The following SMARCA2 variants were observed in gnomAD, a reference collection of about 807,000 sequenced individuals.
SMARCA2 encodes the protein SWI/SNF related BAF chromatin remodeling complex subunit ATPase 2, also known as SWI/SNF-related matrix-associated actin-dependent regulator of chromatin subfamily A member 2.
Under a neutral mutation model 199.8 loss-of-function variants are expected in SMARCA2, and 61 were observed. The observed-to-expected ratio is 0.31, with a 90% CI of 0.25 to 0.38. The LOEUF (loss-of-function observed/expected upper bound fraction) is 0.38, where lower values mean the gene tolerates loss of function less well. SMARCA2 is among the 10% of genes least tolerant of loss of function. The probability of loss-of-function intolerance (pLI) is 1.00; values close to 1 mark genes in which losing one functional copy is unlikely to be tolerated. For synonymous variants in SMARCA2, 935 were observed against 732.0 expected (o/e 1.28, Z -4.48); for missense variants, 1,344 against 2,012.2 (o/e 0.67, Z 6.35).
At chr9:2,153,286 C>T (rs1397280052) in intron 27 of SMARCA2, among the ~76,000 whole-genome samples, 7 of 152,162 alleles carry the variant, frequency 4.6e-5, no homozygotes, top group Admixed American at 3.9e-4. Context: ...CCTGTAATCC[C>T]AACACTTTGG....
At chr9:2,138,804 G>A (rs950052656) in intron 27 of SMARCA2, among the ~76,000 whole-genome samples, 6 of 152,144 alleles carry the variant, frequency 3.9e-5, no homozygotes, top group African/African-American at 1.4e-4. Context: ...CTCCAGCTTT[G>A]CCTTTGGCGG....
At chr9:2,180,995 A>G (rs1335254437) in intron 29 of SMARCA2, among the ~76,000 whole-genome samples, 1 of 152,160 alleles carries the variant, frequency 6.6e-6, no homozygotes, top group African/African-American at 2.4e-5. Flanking sequence ...TAATAAAGGT[A>G]TGTGTGGTTT....
chr9:2,181,267 TATTTTAA>T (rs1392236599), intron 29 of SMARCA2: 5 of 217,974 alleles, frequency 2.3e-5, no homozygotes, highest in Admixed American at 1.2e-4. Context: ...CTAACAAGGA[TATTTTAA>T]ATATTTCTAT....
rs1818431616 is a variant in SMARCA2 at position 2,017,895 on chromosome 9, CAA to C, written c.-37+2493_-37+2494del. 1 of 152,446 alleles carries C rather than the reference CAA, an allele frequency of 6.6e-6. No individual in the cohort carries two copies. Among genetic ancestry groups the C allele is most frequent in the African/African-American group, 2.4e-5 (1 of 41,590 alleles). The allele number at this position is 152,446 out of a possible 1,614,324, so 9.4% of individuals were successfully genotyped here. A position where few individuals can be genotyped will look rare whatever the true frequency, so the allele number is the denominator to read the frequency against. ...CCGGTCTCCCGGCTCGCCTTTCCTG[CAA>C]AGTCAGGCAGGCGGGGGAAATGGGC... On this transcript the variant is annotated intron_variant, in intron 1 of 33. Coordinates refer to ENST00000349721, the MANE Select transcript of SMARCA2 (RefSeq NM_003070.5). This position sits in a 1 kb window ranked among gnomAD's most constrained non-coding sequence, Gnocchi z 8.8.
At chr9:2,109,284 T>A (rs1023927052) in intron 23 of SMARCA2, among the ~76,000 whole-genome samples, 8 of 152,180 alleles carry the variant, frequency 5.3e-5, no homozygotes, top group African/African-American at 1.9e-4. Flanking sequence ...CTTTCAAAAT[T>A]CAGCATCTAA....
chr9:2,177,234 G>C (rs959896957), intron 29 of SMARCA2, among the ~76,000 whole-genome samples: 2 of 152,132 alleles, frequency 1.3e-5, no homozygotes, highest in African/African-American at 4.8e-5. Flanking sequence ...CTTCCCAAAC[G>C]ACTTTGCTAT....
At chr9:2,070,673 C>CA (rs888269593) in intron 10 of SMARCA2, among the ~76,000 whole-genome samples, 8 of 152,176 alleles carry the variant, frequency 5.3e-5, no homozygotes, top group Non-Finnish European at 1.2e-4. Context: ...GTCAGACTGT[C>CA]AATCAACTGA....
In SMARCA2 at chr9:2,086,068, T is replaced by C. The variant is rs113631311; in HGVS notation, c.2527-761T>C. The C allele has an allele frequency of 6.7e-4, 102 of 152,280 alleles. 1 individual carries two copies. Among genetic ancestry groups the C allele is most frequent in the African/African-American group, 2.3e-3 (97 of 41,458 alleles). 9.4% of individuals were successfully genotyped at this position (152,280 alleles called of 1,614,324 possible). On this transcript the variant is annotated intron_variant, in intron 17 of 33. Transcript: ENST00000349721. The surrounding 1 kb of genome is among the most constrained non-coding windows in gnomAD (Gnocchi z 4.3). The stretch of plus-strand genomic sequence containing the variant: ...TGTATTTAATTCTGCAGTTTTGGCA[T>C]AAATACAGGAGTGATATTTTTGCAG...
At chr9:2,163,327 G>T (rs1317826098) in intron 28 of SMARCA2, among the ~76,000 whole-genome samples, 2 of 152,168 alleles carry the variant, frequency 1.3e-5, no homozygotes, top group Non-Finnish European at 2.9e-5. Flanking sequence ...GAAGTGGCCA[G>T]AATGGCAACC....
chr9:2,023,441 G>A (rs1818690244), intron 1 of SMARCA2, among the ~76,000 whole-genome samples: 1 of 152,180 alleles, frequency 6.6e-6, no homozygotes. Context: ...ACTTTGAAAC[G>A]AATGGGAAAG....
chr9:2,029,183 C>T lies in SMARCA2; in HGVS notation c.161C>T (p.Ser54Phe). The change falls in exon 2 of 34, where the codon TCC becomes TTC. Residue 54 changes from serine to phenylalanine, a missense_variant. Around this residue, in one of 18 missense-constraint regions of SMARCA2, gnomAD observed 275 missense variants for 247.5 expected, o/e 1.11. Transcript: ENST00000349721. ...MGPSPGPPSVSHPMPTMGSTD... is the reference protein window; with the variant it reads ...MGPSPGPPSVFHPMPTMGSTD... ...CCAAGTCCTGGACCTCCAAGTGTCT[C>T]CCATCCTATGCCGACGATGGGGTCC... The T allele has an allele frequency of 6.2e-7, 1 of 1,613,592 alleles. No individual in the cohort carries two copies. The highest frequency in any genetic ancestry group is 8.5e-7 in the Non-Finnish European group (1 of 1,179,782).
At chr9:2,181,769 G>A in intron 30 of SMARCA2, 93 bp downstream of exon 30, 2 of 733,132 alleles carry the variant, frequency 2.7e-6, no homozygotes, top group East Asian at 2.6e-5. Flanking sequence ...GACCGCCACT[G>A]ATGGGTACCC....
chr9:2,170,467 A>G lies in SMARCA2; in HGVS notation c.4248A>G (p.Gly1416=), dbSNP rs1437734159. The stretch of plus-strand genomic sequence containing the variant: ...GTAATTCTCAGTTGGAAATAGAAGG[A>G]AACAGGTCAGGATCTGTCTTGTATT... The part of the protein sequence containing the change: ...VPSNSQLEIE[G]NSSGRQLSEV... Residue 1416 remains glycine (G), a synonymous_variant, in exon 29 of 34, where the codon GGA becomes GGG. Coordinates refer to ENST00000349721, the MANE Select transcript of SMARCA2 (RefSeq NM_003070.5). The surrounding 1 kb of genome is among the most constrained non-coding windows in gnomAD (Gnocchi z 4.7). The G allele has an allele frequency of 1.9e-6, 3 of 1,614,122 alleles. No individual in the cohort carries two copies. Among genetic ancestry groups the G allele is most frequent in the Admixed American group, 1.7e-5 (1 of 60,016 alleles).
intron 1 of SMARCA2, among the ~76,000 whole-genome samples, chr9:2,025,063 G>A (rs191635936): frequency 1.1e-4 from 16 of 148,092 alleles, no homozygotes; most frequent in Admixed American, 8.1e-4. Flanking sequence ...AGATGGCTGT[G>A]CTGAGCCTTT....
intron 23 of SMARCA2, among the ~76,000 whole-genome samples, chr9:2,105,444 G>A (rs1384332897): frequency 3.3e-5 from 5 of 151,630 alleles, no homozygotes; most frequent in African/African-American, 9.7e-5. Flanking sequence ...AGTAAAGATG[G>A]GGTTTCACCA....
intron 27 of SMARCA2, among the ~76,000 whole-genome samples, chr9:2,147,524 A>G (rs1381260399): frequency 6.6e-6 from 1 of 152,206 alleles, no homozygotes; most frequent in Non-Finnish European, 1.5e-5. Context: ...TCACAGAAAT[A>G]ACACCTATAA....
chr9:2,136,398 A>G (rs377366339), intron 27 of SMARCA2, among the ~76,000 whole-genome samples: 5 of 151,178 alleles, frequency 3.3e-5, no homozygotes, highest in South Asian at 2.1e-4. Context: ...ATGTTGGCCA[A>G]TCTGGTCTCG....
intron 9 of SMARCA2, among the ~76,000 whole-genome samples, chr9:2,061,545 C>G (rs898236290): frequency 3.9e-5 from 6 of 152,156 alleles, no homozygotes; most frequent in Non-Finnish European, 8.8e-5. Context: ...TCCTAATTAT[C>G]ATGAGAAATG....
intron 22 of SMARCA2, among the ~76,000 whole-genome samples, chr9:2,101,863 G>A (rs572929580): frequency 1.3e-5 from 2 of 152,286 alleles, no homozygotes; most frequent in African/African-American, 4.8e-5. Context: ...TAGTATCCTA[G>A]TGTTCTAAAA....
Sources: gnomAD v4.1 joint callset for allele counts (sites outside exome capture counted in the v4.1 genomes callset) on GRCh38, gnomAD v4.1.1 for gene constraint, gnomAD v4.1.1 regional missense constraint, Gnocchi (gnomAD v3.1) non-coding constraint, MANE v1.5 for transcripts, NCBI Gene and HGNC (gene_info 2026-07-23, HGNC 2026-07-21) for gene names.